MYLIP: variants seen among roughly 807,000 people sequenced by gnomAD.
MYLIP encodes the protein E3 ubiquitin-protein ligase MYLIP.
MYLIP carries 26 observed loss-of-function variants against 45.8 expected under a neutral mutation model. The observed-to-expected ratio is 0.57, with a 90% CI of 0.42 to 0.79. The LOEUF is 0.79. Among genes scored for constraint, MYLIP ranks in the 30% least tolerant of loss-of-function variants. The pLI, the probability that MYLIP is intolerant of heterozygous loss-of-function variation, is 0.00. For missense variants in MYLIP, 494 were observed against 555.6 expected, an observed-to-expected ratio of 0.89 and a Z score of 1.11; for synonymous variants, 213 against 218.1, an observed-to-expected ratio of 0.98 and a Z score of 0.21.
chr6:16,141,273 A>G (rs999778888), intron 2 of MYLIP, among the ~76,000 whole-genome samples: 2 of 152,234 alleles, frequency 1.3e-5, no homozygotes, highest in African/African-American at 2.4e-5. Flanking sequence ...TTAAGATTCT[A>G]TCAGAATCCA....
At chr6:16,153,475 T>A in the MYLIP span, among the ~76,000 whole-genome samples, 4 of 152,214 alleles carry the variant, frequency 2.6e-5, no homozygotes, top group African/African-American at 9.7e-5. Flanking sequence ...GGTAAAACTT[T>A]GCTGCAAATT....
intron 2 of MYLIP, among the ~76,000 whole-genome samples, chr6:16,139,989 T>C (rs1329198255): frequency 6.6e-6 from 1 of 152,212 alleles, no homozygotes; most frequent in African/African-American, 2.4e-5. Flanking sequence ...CAGCCAGACA[T>C]TGTAGACTCT....
At chr6:16,162,795 AAAAAAAAAAAG>A in the MYLIP span, among the ~76,000 whole-genome samples, 3 of 150,684 alleles carry the variant, frequency 2.0e-5, no homozygotes, top group African/African-American at 7.4e-5. Context: ...TAAAAAAAAA[AAAAAAAAAAAG>A]AAATTCATTT....
At chr6:16,152,692 A>G (rs916096100), downstream of MYLIP, among the ~76,000 whole-genome samples, 2 of 152,312 alleles carry the variant, frequency 1.3e-5, no homozygotes, top group Admixed American at 1.3e-4. Flanking sequence ...AAGTTCTACA[A>G]TCAAAGCAGG....
At chr6:16,159,463 C>T in the MYLIP span, among the ~76,000 whole-genome samples, 2 of 152,294 alleles carry the variant, frequency 1.3e-5, no homozygotes, top group African/African-American at 4.8e-5. Context: ...TCTCGCTGGA[C>T]GGTCTTTTTG....
At chr6:16,136,277 GTTC>G (rs1416940220) in intron 2 of MYLIP, among the ~76,000 whole-genome samples, 1 of 142,694 alleles carries the variant, frequency 7.0e-6, no homozygotes, top group Non-Finnish European at 1.5e-5. Context: ...TCTGTCATGT[GTTC>G]TTCTACCAGA....
downstream of MYLIP, among the ~76,000 whole-genome samples, chr6:16,150,428 C>T (rs570915212): frequency 1.1e-4 from 16 of 152,124 alleles, no homozygotes; most frequent in African/African-American, 2.9e-4. Flanking sequence ...GGTGAGGATG[C>T]GGAAGTGGTC....
intron 2 of MYLIP, among the ~76,000 whole-genome samples, chr6:16,139,822 A>G (rs929567602): frequency 7.2e-5 from 11 of 152,248 alleles, no homozygotes; most frequent in African/African-American, 2.7e-4. Context: ...GCTATTACAC[A>G]TTCTTACTAT....
Position 16,145,232 on chromosome 6 carries a change from T to C in MYLIP, c.1163T>C (p.Met388Thr). 1 of 1,614,000 alleles carries C rather than the reference T, an allele frequency of 6.2e-7. No individual in the cohort carries two copies. ...AAGCTGAAGGAAGCCATGCTGTGCATGGTGTGCTGCGAGGAGGAGATCAAC... is the reference window on the plus strand; with the variant it reads ...AAGCTGAAGGAAGCCATGCTGTGCACGGTGTGCTGCGAGGAGGAGATCAAC... ...LRKLKEAMLCMVCCEEEINST... is the reference protein window; with the variant it reads ...LRKLKEAMLCTVCCEEEINST... The change falls in exon 6 of 7, where the codon ATG (methionine) becomes ACG (threonine). Residue 388 changes from methionine (M) to threonine (T), a missense_variant. By Grantham distance (81) the Met-to-Thr change is moderately conservative. Coordinates refer to ENST00000356840, the MANE Select transcript of MYLIP (RefSeq NM_013262.4).
intron 6 of MYLIP, among the ~76,000 whole-genome samples, chr6:16,145,604 G>A (rs1322726195): frequency 6.6e-6 from 1 of 152,150 alleles, no homozygotes; most frequent in East Asian, 1.9e-4. Flanking sequence ...CTTACCTGAG[G>A]ACAAGAATCC....
At position 16,146,851 on chromosome 6, in the gene MYLIP, A is replaced by ATC. The variant is rs1759802339; in HGVS notation, c.*102_*103dup. 1.0e-6 allele frequency: 1 copy of ATC among 991,790 alleles called. No homozygotes were observed. Among genetic ancestry groups the ATC allele is most frequent in the Non-Finnish European group, 1.5e-6 (1 of 681,542 alleles). The allele number at this position is 991,790 out of a possible 1,614,324, so 61.4% of individuals were successfully genotyped here. On this transcript the variant is annotated 3_prime_UTR_variant, in exon 7 of 7. Coordinates refer to ENST00000356840, the MANE Select transcript of MYLIP (RefSeq NM_013262.4). The stretch of plus-strand genomic sequence containing the variant: ...GGAGAAAGTAATTATTCCAACACCC[A>ATC]TCTGCCATGCGATGTTAAAAAAAAA...
chr6:16,136,105 C>A lies in MYLIP; in HGVS notation c.278+5358C>A, dbSNP rs771207263. 5.3e-4 allele frequency among the ~76,000 whole-genome samples: 80 copies of A among 151,892 alleles called. 1 individual carries two copies. The highest frequency in any genetic ancestry group is 4.7e-4 in the Non-Finnish European group (32 of 67,978). ...TTTTGATGTAAAATTTACATAAATC[C>A]TAATTATACCATTTAATGATTTTTG... On this transcript the variant is annotated intron_variant, in intron 2 of 6. Coordinates refer to ENST00000356840, the MANE Select transcript of MYLIP (RefSeq NM_013262.4).
chr6:16,150,530 G>A (rs573178170), downstream of MYLIP, among the ~76,000 whole-genome samples: 2 of 152,254 alleles, frequency 1.3e-5, no homozygotes, highest in Admixed American at 1.3e-4. Flanking sequence ...AGGCATAGAG[G>A]AGAGGAGGGC....
Position 16,144,900 on chromosome 6 carries a change from T to C in MYLIP, c.831T>C (p.Cys277=), listed in dbSNP as rs770501702. The change falls in exon 6 of 7, where the codon TGT becomes TGC. Residue 277 remains cysteine (C), a synonymous_variant. Transcript: ENST00000356840. ...AITETHAFYR[C]DTVTSAVMMQ... is the part of the protein sequence containing the mutation. ...GATGTTCAATCTTGCCTTGCAGGTG[T>C]GACACAGTGACCAGCGCCGTGATGA... is the stretch of plus-strand genomic sequence containing the variant. The C allele has an allele frequency of 2.5e-6, 4 of 1,610,556 alleles. No homozygotes were observed. The highest frequency in any genetic ancestry group is 3.4e-6 in the Non-Finnish European group (4 of 1,177,454).
chr6:16,136,009 A>G (rs1759549165), intron 2 of MYLIP, among the ~76,000 whole-genome samples: 1 of 151,996 alleles, frequency 6.6e-6, no homozygotes, highest in African/African-American at 2.4e-5. Flanking sequence ...TAAGTTGTAT[A>G]TAAGTATGTT....
At chr6:16,159,287 G>A in the MYLIP span, among the ~76,000 whole-genome samples, 1 of 152,174 alleles carries the variant, frequency 6.6e-6, no homozygotes, top group Non-Finnish European at 1.5e-5. Context: ...TTTGCACAAA[G>A]GCACTCTACA....
chr6:16,160,487 A>G, the MYLIP span, among the ~76,000 whole-genome samples: 1 of 152,200 alleles, frequency 6.6e-6, no homozygotes, highest in Non-Finnish European at 1.5e-5. Context: ...GGCATTTGAT[A>G]GGATTCTTGC....
At chr6:16,152,273 C>CT (rs1299659637), downstream of MYLIP, among the ~76,000 whole-genome samples, 2 of 152,170 alleles carry the variant, frequency 1.3e-5, no homozygotes, top group African/African-American at 2.4e-5. Context: ...TTCATTTGGC[C>CT]TTTTATTCCT....
chr6:16,162,263 C>G, the MYLIP span, among the ~76,000 whole-genome samples: 3 of 152,120 alleles, frequency 2.0e-5, no homozygotes, highest in South Asian at 2.1e-4. Flanking sequence ...TGTTTTATGT[C>G]TATATGTTCA....
Sources: gnomAD v4.1 joint callset for allele counts (sites outside exome capture counted in the v4.1 genomes callset) on GRCh38, gnomAD v4.1.1 for gene constraint, MANE v1.5 for transcripts, NCBI Gene and HGNC (gene_info 2026-07-23, HGNC 2026-07-21) for gene names.